The following SOX6 variants were observed in gnomAD, a reference collection of about 807,000 sequenced individuals.
SOX6 encodes SRY-box transcription factor 6.
Under a neutral mutation model 97.8 loss-of-function variants are expected in SOX6, and 11 were observed. The observed-to-expected ratio is 0.11, with a 90% CI of 0.07 to 0.19. SOX6 has a LOEUF of 0.19. SOX6 is among the 10% of genes least tolerant of loss of function. The pLI, the probability that SOX6 is intolerant of heterozygous loss-of-function variation, is 1.00. For missense variants in SOX6, 810 were observed against 1,039.5 expected (o/e 0.78, Z 3.04); for synonymous variants, 360 against 371.4 (o/e 0.97, Z 0.35).
intron 13 of SOX6, among the ~76,000 whole-genome samples, chr11:15,996,280 T>C (rs932916608): frequency 6.6e-6 from 1 of 152,178 alleles, no homozygotes; most frequent in Non-Finnish European, 1.5e-5. Flanking sequence ...AAATTTTAAC[T>C]GTAAGGATAC....
upstream of SOX6, among the ~76,000 whole-genome samples, chr11:16,477,854 G>A (rs754742611): frequency 5.3e-5 from 8 of 152,154 alleles, no homozygotes; most frequent in Admixed American, 6.5e-5. Flanking sequence ...CCAGTTTCCA[G>A]CAACTCTAAC....
rs763264234 is a variant in SOX6, at chr11:16,341,195, A to C, written c.54T>G (p.Asp18Glu). Residue 18 changes from aspartate to glutamate, a missense_variant, in exon 2 of 16, where the codon GAT becomes GAG. Asp to Glu is a conservative substitution (Grantham distance 45). Transcript: ENST00000683767. The part of the protein sequence containing the change: ...SPFACAADGE[D>E]AMTQDLTSRE... The stretch of plus-strand genomic sequence containing the variant: ...TTGAGGTTAAATCCTGGGTCATTGC[A>C]TCCTCTCCATCAGCTGCACAGGCAA... The C allele has an allele frequency of 8.1e-6, 13 of 1,613,380 alleles. No individual in the cohort carries two copies. In the African/African-American group the frequency reaches 1.5e-4, roughly 18 times the overall value.
intron 3 of SOX6, among the ~76,000 whole-genome samples, chr11:16,622,516 G>A (rs1048349102): frequency 2.0e-5 from 3 of 152,236 alleles, no homozygotes; most frequent in South Asian, 2.1e-4. Flanking sequence ...GAGACCATAC[G>A]ATGTTTGGTT....
At chr11:16,195,753 C>T (rs1258785076) in intron 4 of SOX6, among the ~76,000 whole-genome samples, 3 of 152,314 alleles carry the variant, frequency 2.0e-5, no homozygotes, top group Admixed American at 2.0e-4. Flanking sequence ...CAGACTCCGA[C>T]ATTCTCTGGC....
intron 13 of SOX6, among the ~76,000 whole-genome samples, chr11:16,008,483 C>T (rs1411250101): frequency 6.6e-6 from 1 of 152,070 alleles, no homozygotes; most frequent in Non-Finnish European, 1.5e-5. Flanking sequence ...CTAGATTCCT[C>T]ACTAAAGAGA....
chr11:16,203,615 G>A (rs1590025025), intron 4 of SOX6, among the ~76,000 whole-genome samples: 1 of 152,116 alleles, frequency 6.6e-6, no homozygotes, highest in African/African-American at 2.4e-5. Flanking sequence ...TACTGTTGGA[G>A]TTATCTGTGC....
At chr11:15,988,602 G>A (rs1334379981) in intron 14 of SOX6, among the ~76,000 whole-genome samples, 1 of 152,146 alleles carries the variant, frequency 6.6e-6, no homozygotes, top group Non-Finnish European at 1.5e-5. Context: ...GGGTCTATGA[G>A]TACTTCATAG....
chr11:16,426,255 CAAAAAAAAAAAAAAAAAAAAAAAAAAAA>C (rs869158484), intron 1 of SOX6, among the ~76,000 whole-genome samples: 3 of 29,270 alleles, frequency 1.0e-4, no homozygotes, highest in African/African-American at 3.3e-4. Flanking sequence ...GACTCCATCT[CAAAAAAAAAAAAAAAAAAAAAAAAAAAA>C]AAAAAAAAAA....
intron 11 of SOX6, 35 bp from the exon 12 acceptor site, chr11:16,046,736 A>C: frequency 1.9e-6 from 3 of 1,601,594 alleles, no homozygotes; most frequent in Non-Finnish European, 2.6e-6. Flanking sequence ...GATGCTTGTG[A>C]GGTCAGACTC....
chr11:16,504,044 AAAATAAATAAAT>A (rs77343447), intron 4 of SOX6, among the ~76,000 whole-genome samples: 29,772 of 139,378 alleles, frequency 0.21, 3,656 homozygotes, highest in East Asian at 0.48. Context: ...CTCCATCTCA[AAAATAAATAAAT>A]AAATAAATAA....
intron 4 of SOX6, among the ~76,000 whole-genome samples, chr11:16,587,386 C>A (rs1237953162): frequency 6.6e-6 from 1 of 152,034 alleles, no homozygotes; most frequent in East Asian, 1.9e-4. Context: ...AAATAATAAT[C>A]ACTAATGTTT....
intron 15 of SOX6, among the ~76,000 whole-genome samples, chr11:15,973,773 G>C (rs1282881089): frequency 1.3e-5 from 2 of 152,144 alleles, no homozygotes; most frequent in Non-Finnish European, 2.9e-5. Context: ...AGAGCAGTGA[G>C]ACCTCTGCAA....
At chr11:16,486,978 T>C (rs929478824) in intron 4 of SOX6, among the ~76,000 whole-genome samples, 2 of 152,246 alleles carry the variant, frequency 1.3e-5, no homozygotes, top group South Asian at 2.1e-4. Context: ...ATACTGAGAA[T>C]TGGCCCATGA....
In SOX6 at chr11:16,521,944, C is replaced by T. The variant is rs148998900; in HGVS notation, n.610-45556G>A. Among the ~76,000 whole-genome samples the T allele has an allele frequency of 1.3e-3, 195 of 152,084 alleles. 2 individuals are homozygous for T. The highest frequency in any genetic ancestry group is 4.3e-3 in the African/African-American group (180 of 41,512). ...AGTTTAGAGAAAAAAAGAATAAGAA[C>T]AAATGAACAAAGCCTCCAAGAAATA... On this transcript the variant is annotated intron_variant and non_coding_transcript_variant, in intron 4 of 5. Transcript: ENST00000524520.
chr11:16,159,349 T>G (rs1850682186), intron 6 of SOX6, among the ~76,000 whole-genome samples: 2 of 152,132 alleles, frequency 1.3e-5, no homozygotes, highest in African/African-American at 4.8e-5. Flanking sequence ...CTTATATTTC[T>G]TATCTTTTCT....
chr11:16,420,639 AT>A, intron 1 of SOX6, among the ~76,000 whole-genome samples: 1 of 152,194 alleles, frequency 6.6e-6, no homozygotes, highest in African/African-American at 2.4e-5. Flanking sequence ...TTTAAAACGT[AT>A]TTTTTTCTTC....
At chr11:16,417,178 A>G (rs528007350) in intron 1 of SOX6, among the ~76,000 whole-genome samples, 1 of 152,270 alleles carries the variant, frequency 6.6e-6, no homozygotes, top group South Asian at 2.1e-4. Context: ...GAGGCTTACC[A>G]TGAGTATCTA....
At position 16,229,897 on chromosome 11, in the gene SOX6, A is replaced by T. The variant is rs1033936557; in HGVS notation, c.535+4685T>A. ...AAAAGAGGAAAAGTTTTTCAATTCA[A>T]CTATGAACACTGCTACTAAAAAATT... On this transcript the variant is annotated intron_variant, in intron 4 of 15. Coordinates refer to ENST00000683767, the MANE Select transcript of SOX6 (RefSeq NM_001367873.1). Among the ~76,000 whole-genome samples the T allele has an allele frequency of 4.6e-5, 7 of 151,810 alleles. No individual in the cohort carries two copies. The East Asian group carries it at 1.3e-3, about 29-fold the overall frequency.
chr11:16,174,955 C>T (rs897737276), intron 6 of SOX6, among the ~76,000 whole-genome samples: 1 of 151,832 alleles, frequency 6.6e-6, no homozygotes, highest in African/African-American at 2.4e-5. Flanking sequence ...TATACAATCT[C>T]CAAGCTGCTC....
Sources: gnomAD v4.1 joint callset for allele counts (sites outside exome capture counted in the v4.1 genomes callset) on GRCh38, gnomAD v4.1.1 for gene constraint, MANE v1.5 for transcripts, NCBI Gene and HGNC (gene_info 2026-07-23, HGNC 2026-07-21) for gene names.